Variants in EPHB1 observed in about 807,000 individuals in gnomAD.
EPHB1 encodes EPH receptor B1, also known as ephrin type-B receptor 1.
EPHB1 carries 30 observed loss-of-function variants against 94.4 expected under a neutral mutation model. The ratio of observed to expected loss-of-function variants is 0.32; its 90% CI spans 0.24 to 0.43. EPHB1 has a LOEUF of 0.43. Among genes scored for constraint, EPHB1 ranks in the 20% least tolerant of loss-of-function variants. The pLI is 1.00. For missense variants in EPHB1, 1,055 were observed against 1,308.3 expected (o/e 0.81, Z 2.99); for synonymous variants, 522 against 489.1 (o/e 1.07, Z -0.89).
chr3:135,222,922 A>G (rs376342215), intron 12 of EPHB1, among the ~76,000 whole-genome samples: 37 of 152,324 alleles, frequency 2.4e-4, no homozygotes, highest in African/African-American at 8.9e-4. Context: ...TCTCCTCCAA[A>G]TGCATTTTCT....
intron 1 of EPHB1, among the ~76,000 whole-genome samples, chr3:134,833,419 C>A (rs2036613093): frequency 6.6e-6 from 1 of 152,192 alleles, no homozygotes; most frequent in African/African-American, 2.4e-5. Flanking sequence ...ACACAATTTT[C>A]CCATGGAAAC....
At chr3:135,213,770 C>A (rs575117837) in intron 12 of EPHB1, among the ~76,000 whole-genome samples, 17 of 152,300 alleles carry the variant, frequency 1.1e-4, no homozygotes, top group African/African-American at 3.6e-4. Flanking sequence ...CCCATCCAGT[C>A]CCTCTGTGAG....
intron 12 of EPHB1, among the ~76,000 whole-genome samples, chr3:135,214,698 T>C (rs1943107860): frequency 6.6e-6 from 1 of 152,228 alleles, no homozygotes; most frequent in Admixed American, 6.5e-5. Context: ...CTCGCTGTGC[T>C]TCCAGGAGAG....
At chr3:134,963,172 TC>T (rs1469307350) in intron 3 of EPHB1, among the ~76,000 whole-genome samples, 1 of 138,582 alleles carries the variant, frequency 7.2e-6, no homozygotes, top group African/African-American at 3.1e-5. Context: ...CTTCCTTCCT[TC>T]CTTCCTTCCT....
At position 134,860,158 on chromosome 3, in the gene EPHB1, C is replaced by CACACACACAG. The variant is rs1224825178; in HGVS notation, c.58+64478_58+64479insGACACACACA. Among the ~76,000 whole-genome samples the CACACACACAG allele has an allele frequency of 1.1e-3, 143 of 130,052 alleles. 1 individual carries two copies. The highest frequency in any genetic ancestry group is 3.9e-3 in the Middle Eastern group (1 of 254). 85.3% of individuals were successfully genotyped at this position (130,052 alleles called of 152,430 possible). On this transcript the variant is annotated intron_variant, in intron 1 of 15. Transcript: ENST00000398015. ...ACAAAAGAGAAGGAAGGGACACACACACACACACACACAGACACACACACA... is the reference window on the plus strand; with the variant it reads ...ACAAAAGAGAAGGAAGGGACACACACACACACACAGACACACACACACAGACACACACACA...
intron 3 of EPHB1, among the ~76,000 whole-genome samples, chr3:135,072,511 A>G (rs537678209): frequency 6.6e-6 from 1 of 152,200 alleles, no homozygotes; most frequent in South Asian, 2.1e-4. Context: ...CTGCTCTCCA[A>G]TGGTAGCTCC....
chr3:135,233,181 G>A (rs539918206), intron 12 of EPHB1, among the ~76,000 whole-genome samples: 1 of 152,340 alleles, frequency 6.6e-6, no homozygotes, highest in African/African-American at 2.4e-5. Context: ...AGTCTCATCT[G>A]TGACAAGGCA....
At chr3:134,824,344 C>T (rs2036437920) in intron 1 of EPHB1, among the ~76,000 whole-genome samples, 1 of 152,014 alleles carries the variant, frequency 6.6e-6, no homozygotes, top group South Asian at 2.1e-4. Flanking sequence ...GTTGACTCTG[C>T]TGGGCACAGT....
chr3:134,987,675 G>A (rs1934651079), intron 3 of EPHB1, among the ~76,000 whole-genome samples: 1 of 152,196 alleles, frequency 6.6e-6, no homozygotes, highest in African/African-American at 2.4e-5. Context: ...GGAGGCTGAG[G>A]CAGGAGAACC....
intron 3 of EPHB1, among the ~76,000 whole-genome samples, chr3:134,971,189 T>G (rs375238909): frequency 2.6e-5 from 4 of 152,176 alleles, no homozygotes; most frequent in African/African-American, 7.2e-5. Context: ...CCAGGGAATC[T>G]GAGATGCAAG....
At chr3:134,971,760 G>T (rs907383928) in intron 3 of EPHB1, among the ~76,000 whole-genome samples, 1 of 152,164 alleles carries the variant, frequency 6.6e-6, no homozygotes, top group Non-Finnish European at 1.5e-5. Context: ...AACAGCTAAG[G>T]CTCCTGGCCT....
At chr3:135,127,576 A>C (rs1940255045) in intron 4 of EPHB1, among the ~76,000 whole-genome samples, 1 of 152,164 alleles carries the variant, frequency 6.6e-6, no homozygotes, top group Admixed American at 6.6e-5. Context: ...CCAGAAGGTT[A>C]GCCTTATTAA....
At chr3:135,177,648 T>A (rs2059351336) in intron 9 of EPHB1, among the ~76,000 whole-genome samples, 2 of 152,342 alleles carry the variant, frequency 1.3e-5, no homozygotes, top group African/African-American at 4.8e-5. Flanking sequence ...TTCCTTTCCC[T>A]ATCTTACTTC....
intron 3 of EPHB1, among the ~76,000 whole-genome samples, chr3:135,010,249 A>C (rs996147276): frequency 6.6e-6 from 1 of 152,178 alleles, no homozygotes; most frequent in African/African-American, 2.4e-5. Context: ...ACATTTTAAA[A>C]ATTTCACAGT....
At chr3:135,013,741 G>A (rs900669451) in intron 3 of EPHB1, among the ~76,000 whole-genome samples, 7 of 152,200 alleles carry the variant, frequency 4.6e-5, no homozygotes, top group African/African-American at 1.7e-4. Flanking sequence ...GTAACCAGAG[G>A]CTAAAGTTAC....
chr3:134,883,475 A>C (rs147259142), intron 1 of EPHB1, among the ~76,000 whole-genome samples: 136 of 152,322 alleles, frequency 8.9e-4, no homozygotes, highest in Non-Finnish European at 1.7e-3. Context: ...ACCTTGGGGA[A>C]GATTCGAGAA....
chr3:135,227,501 C>T (rs1157322357), intron 12 of EPHB1, among the ~76,000 whole-genome samples: 1 of 152,132 alleles, frequency 6.6e-6, no homozygotes, highest in African/African-American at 2.4e-5. Context: ...TCATAGGCTG[C>T]TTGCTTTGTT....
chr3:134,815,263 A>G (rs1413408102), intron 1 of EPHB1, among the ~76,000 whole-genome samples: 1 of 152,214 alleles, frequency 6.6e-6, no homozygotes, highest in Admixed American at 6.5e-5. Context: ...GTCAAATAAG[A>G]GAATATTCTT....
intron 3 of EPHB1, among the ~76,000 whole-genome samples, chr3:135,090,124 C>A (rs1404063757): frequency 1.3e-5 from 2 of 152,212 alleles, no homozygotes; most frequent in Non-Finnish European, 2.9e-5. Flanking sequence ...ACTATCCAAC[C>A]CTTCGCTGCC....
Sources: allele counts gnomAD v4.1 joint callset (sites outside exome capture counted in the v4.1 genomes callset), GRCh38; gene constraint gnomAD v4.1.1; transcripts MANE v1.5; gene names NCBI Gene and HGNC (gene_info 2026-07-23, HGNC 2026-07-21).